ATRX: variants seen among roughly 807,000 people sequenced by gnomAD.
ATRX encodes the protein ATRX chromatin remodeler.
ATRX carries 12 observed loss-of-function variants against 172.6 expected under a neutral mutation model. That is an observed-to-expected ratio of 0.07 (90% CI 0.04 to 0.11). The LOEUF (loss-of-function observed/expected upper bound fraction) is 0.11, where lower values mean the gene tolerates loss of function less well. Among genes scored for constraint, ATRX ranks in the 10% least tolerant of loss-of-function variants. The pLI is 1.00. For missense variants in ATRX, 1,368 were observed against 1,767.4 expected (o/e 0.77, Z 4.05); for synonymous variants, 674 against 594.7 (o/e 1.13, Z -1.94).
intron 1 of ATRX, among the ~76,000 whole-genome samples, chrX:77,759,451 C>G (rs1447095528): frequency 9.0e-6 from 1 of 111,466 alleles, no homozygotes. Context: ...CAGTGACTCA[C>G]ACCTGTAATC....
At chrX:77,637,175 G>T (rs1239794289) in intron 15 of ATRX, among the ~76,000 whole-genome samples, 5 of 111,512 alleles carry the variant, frequency 4.5e-5, no homozygotes, top group African/African-American at 1.6e-4. Context: ...GATGTGAAAA[G>T]AAAAAAATAT....
chrX:77,576,742 C>T (rs782721534), intron 27 of ATRX, among the ~76,000 whole-genome samples: 4 of 111,404 alleles, frequency 3.6e-5, no homozygotes, highest in Non-Finnish European at 5.7e-5. Context: ...TGGGAAGCCC[C>T]GTGGAGTTAT....
chrX:77,590,259 T>C (rs2066186762), intron 26 of ATRX, among the ~76,000 whole-genome samples: 1 of 110,502 alleles, frequency 9.0e-6, no homozygotes, highest in Non-Finnish European at 1.9e-5. Flanking sequence ...GAGAGCCACA[T>C]AGGATAATTA....
chrX:77,698,239 G>C (rs2072295757), intron 3 of ATRX, among the ~76,000 whole-genome samples: 1 of 111,316 alleles, frequency 9.0e-6, no homozygotes, highest in Non-Finnish European at 1.9e-5. Context: ...ATGCTTAGCA[G>C]ACTCTAGATA....
chrX:77,620,342 T>C, intron 20 of ATRX, 53 bp downstream of exon 20: 1 of 1,169,620 alleles, frequency 8.5e-7, no homozygotes, highest in Non-Finnish European at 1.2e-6. Flanking sequence ...GTTACAAAAA[T>C]ATATCTGAGG....
intron 9 of ATRX, among the ~76,000 whole-genome samples, chrX:77,677,639 G>GTAAA (rs1236709875): frequency 1.1e-4 from 11 of 103,767 alleles, no homozygotes; most frequent in African/African-American, 3.8e-4. Flanking sequence ...GGGAAACTAA[G>GTAAA]TAAAGGTTAT....
At chrX:77,556,028 T>A (rs1185011174) in intron 30 of ATRX, among the ~76,000 whole-genome samples, 1 of 104,819 alleles carries the variant, frequency 9.5e-6, no homozygotes, top group Non-Finnish European at 2.0e-5. Context: ...GAAAAAAAAA[T>A]TGCTGGGCGT....
intron 1 of ATRX, among the ~76,000 whole-genome samples, chrX:77,783,125 C>T (rs183906989): frequency 2.6e-4 from 29 of 111,689 alleles, no homozygotes; most frequent in Non-Finnish European, 9.4e-5. Flanking sequence ...ATCCCAGTTA[C>T]TTGGGAGGCT....
chrX:77,593,383 C>T (rs1421554100), intron 26 of ATRX, among the ~76,000 whole-genome samples: 2 of 111,239 alleles, frequency 1.8e-5, no homozygotes, highest in Non-Finnish European at 3.8e-5. Flanking sequence ...AGAAGTCACA[C>T]TACATAAACC....
intron 28 of ATRX, among the ~76,000 whole-genome samples, chrX:77,563,569 T>C (rs1208638384): frequency 5.4e-5 from 6 of 111,930 alleles, no homozygotes; most frequent in African/African-American, 1.9e-4. Context: ...GACCTTTTTA[T>C]ATCTATATAT....
At chrX:77,526,460 G>A (rs1186084210) in intron 30 of ATRX, among the ~76,000 whole-genome samples, 1 of 111,086 alleles carries the variant, frequency 9.0e-6, no homozygotes, top group Non-Finnish European at 1.9e-5. Context: ...TCGCTACCAC[G>A]CATGGCTAAT....
At chrX:77,539,191 C>A (rs1000905999) in intron 30 of ATRX, among the ~76,000 whole-genome samples, 2 of 110,893 alleles carry the variant, frequency 1.8e-5, no homozygotes, top group Non-Finnish European at 3.8e-5. Context: ...CTGCACCTGG[C>A]CACTTTGCTC....
chrX:77,667,295 ATGTG>A (rs782297684), intron 10 of ATRX, among the ~76,000 whole-genome samples: 7,585 of 88,938 alleles, frequency 0.085, 405 homozygotes, highest in African/African-American at 0.18. Flanking sequence ...ACGAATAAAT[ATGTG>A]TGTGTGTGTG....
At chrX:77,770,248 G>A (rs1209389958) in intron 1 of ATRX, among the ~76,000 whole-genome samples, 3 of 109,228 alleles carry the variant, frequency 2.7e-5, no homozygotes, top group African/African-American at 6.7e-5. Context: ...GATTACAGAC[G>A]CATGCCACCA....
chrX:77,716,288 G>A (rs1277978105), intron 2 of ATRX, among the ~76,000 whole-genome samples: 5 of 52,536 alleles, frequency 9.5e-5, no homozygotes, highest in African/African-American at 4.2e-4. Flanking sequence ...GACAAAGCAA[G>A]ACCTCGTCTC....
intron 2 of ATRX, among the ~76,000 whole-genome samples, chrX:77,705,076 GGCTGCACCCGGGGCTCCT>G (rs2072741781): frequency 9.0e-6 from 1 of 111,497 alleles, no homozygotes; most frequent in African/African-American, 3.3e-5. Flanking sequence ...GGGTGGCTGC[GGCTGCACCCGGGGCTCCT>G]GCTGCACCCA....
intron 34 of ATRX, among the ~76,000 whole-genome samples, chrX:77,518,090 T>C (rs1369796493): frequency 8.9e-6 from 1 of 112,170 alleles, no homozygotes; most frequent in Non-Finnish European, 1.9e-5. Context: ...ACTGAAAGAC[T>C]TTCTTCTAAA....
intron 2 of ATRX, among the ~76,000 whole-genome samples, chrX:77,707,935 T>C (rs1165196401): frequency 8.9e-6 from 1 of 112,192 alleles, no homozygotes; most frequent in African/African-American, 3.2e-5. Flanking sequence ...TTAACAATGG[T>C]TGGCATGGAC....
intron 19 of ATRX, among the ~76,000 whole-genome samples, chrX:77,623,557 A>T (rs1257498952): frequency 9.0e-6 from 1 of 111,540 alleles, no homozygotes; most frequent in Non-Finnish European, 1.9e-5. Context: ...ATTCATCCCT[A>T]TTCATCACCG....
Sources: gnomAD v4.1 joint callset for allele counts (sites outside exome capture counted in the v4.1 genomes callset) on GRCh38, gnomAD v4.1.1 for gene constraint, MANE v1.5 for transcripts, NCBI Gene and HGNC (gene_info 2026-07-23, HGNC 2026-07-21) for gene names.